TBC1D19: variants seen among roughly 807,000 people sequenced by gnomAD.
TBC1D19 encodes TBC1 domain family member 19, also known as TBC1 domain family, member 19.
Under a neutral mutation model 89.0 loss-of-function variants are expected in TBC1D19, and 60 were observed. That is an observed-to-expected ratio of 0.67 (90% confidence interval 0.55 to 0.84). TBC1D19 has a LOEUF of 0.84. Ranked by LOEUF, TBC1D19 falls within the 40% of genes least tolerant of loss-of-function variation. The pLI, the probability that TBC1D19 is intolerant of heterozygous loss-of-function variation, is 0.00. For synonymous variants in TBC1D19, 189 were observed against 199.7 expected (o/e 0.95, Z 0.45); for missense variants, 500 against 610.8 (o/e 0.82, Z 1.91).
chr4:26,845,358 C>T, the TBC1D19 span, among the ~76,000 whole-genome samples: 1 of 152,132 alleles, frequency 6.6e-6, no homozygotes, highest in African/African-American at 2.4e-5. Context: ...TCAAGACTTT[C>T]CTTATTGTGG....
the TBC1D19 span, among the ~76,000 whole-genome samples, chr4:26,849,451 T>A: frequency 6.6e-6 from 1 of 152,222 alleles, no homozygotes; most frequent in African/African-American, 2.4e-5. Context: ...ACCTTCAAAG[T>A]CATCTCAACT....
intron 11 of TBC1D19, among the ~76,000 whole-genome samples, chr4:26,678,880 C>T (rs1713084656): frequency 2.0e-5 from 3 of 152,036 alleles, no homozygotes; most frequent in Admixed American, 2.0e-4. Flanking sequence ...CTTGACTTTT[C>T]CCTTTAGCTT....
the TBC1D19 span, among the ~76,000 whole-genome samples, chr4:26,815,184 T>C: frequency 5.9e-5 from 9 of 152,352 alleles, no homozygotes; most frequent in East Asian, 1.7e-3. Context: ...CAATAAGAAA[T>C]TGTGGCTTTG....
upstream of TBC1D19, among the ~76,000 whole-genome samples, chr4:26,582,195 T>C (rs1463038630): frequency 6.6e-6 from 1 of 152,056 alleles, no homozygotes; most frequent in Admixed American, 6.5e-5. Flanking sequence ...TTATCACAGT[T>C]TCAATATTTA....
At chr4:26,811,822 G>A in the TBC1D19 span, among the ~76,000 whole-genome samples, 1 of 152,184 alleles carries the variant, frequency 6.6e-6, no homozygotes, top group African/African-American at 2.4e-5. Context: ...GTGTAGCAGT[G>A]AGGACAACCA....
chr4:26,730,721 C>A (rs990876198), intron 15 of TBC1D19, among the ~76,000 whole-genome samples: 1 of 152,198 alleles, frequency 6.6e-6, no homozygotes, highest in Non-Finnish European at 1.5e-5. Context: ...CCACTTCACA[C>A]CTTGGACAGG....
intron 13 of TBC1D19, among the ~76,000 whole-genome samples, chr4:26,711,667 G>A (rs1162906165): frequency 2.6e-5 from 4 of 151,996 alleles, no homozygotes; most frequent in Non-Finnish European, 5.9e-5. Flanking sequence ...TTACTATCAT[G>A]TGTAGCTTCA....
the TBC1D19 span, among the ~76,000 whole-genome samples, chr4:26,787,772 C>T: frequency 2.6e-5 from 4 of 152,176 alleles, no homozygotes; most frequent in Non-Finnish European, 4.4e-5. Flanking sequence ...TCCTCTAAGC[C>T]TGACCTTGAC....
At chr4:26,604,838 C>T (rs1347541226) in intron 1 of TBC1D19, among the ~76,000 whole-genome samples, 2 of 151,778 alleles carry the variant, frequency 1.3e-5, no homozygotes, top group East Asian at 3.9e-4. Context: ...CAGAGATCAT[C>T]GCGCCACTGC....
At chr4:26,778,337 A>G in the TBC1D19 span, among the ~76,000 whole-genome samples, 3 of 151,744 alleles carry the variant, frequency 2.0e-5, no homozygotes, top group African/African-American at 7.3e-5. Context: ...AATGGCGTGA[A>G]TCTGGGAGGC....
chr4:26,666,915 G>T (rs1711862461), intron 9 of TBC1D19, among the ~76,000 whole-genome samples: 1 of 151,798 alleles, frequency 6.6e-6, no homozygotes, highest in African/African-American at 2.4e-5. Flanking sequence ...TTTACTTGAA[G>T]TATGGGAGCC....
upstream of TBC1D19, among the ~76,000 whole-genome samples, chr4:26,582,723 T>A (rs1175566386): frequency 6.6e-6 from 1 of 152,256 alleles, no homozygotes. Context: ...TGTCATTAAT[T>A]GCCTTTAAGT....
intron 4 of TBC1D19, among the ~76,000 whole-genome samples, chr4:26,622,387 AT>A (rs572573612): frequency 2.9e-4 from 43 of 149,844 alleles, no homozygotes; most frequent in East Asian, 1.6e-3. Context: ...CAAAACATAA[AT>A]TTTTTTTTTT....
At chr4:26,845,931 G>A in the TBC1D19 span, among the ~76,000 whole-genome samples, 83 of 152,308 alleles carry the variant, frequency 5.4e-4, no homozygotes, top group Admixed American at 7.8e-4. Context: ...GGAATTATGG[G>A]AGGTACAATT....
At chr4:26,817,979 AAAAT>A in the TBC1D19 span, among the ~76,000 whole-genome samples, 3 of 107,366 alleles carry the variant, frequency 2.8e-5, no homozygotes, top group African/African-American at 1.4e-4. Context: ...AAAAAAAAAA[AAAAT>A]ATATATATAT....
chr4:26,582,379 C>G (rs547540579), upstream of TBC1D19, among the ~76,000 whole-genome samples: 2 of 152,158 alleles, frequency 1.3e-5, no homozygotes, highest in Non-Finnish European at 2.9e-5. Flanking sequence ...TTTTCTGACT[C>G]CAGGCACTAT....
chr4:26,857,059 A>T, the TBC1D19 span, among the ~76,000 whole-genome samples: 1 of 152,176 alleles, frequency 6.6e-6, no homozygotes, highest in Non-Finnish European at 1.5e-5. Context: ...CCACTTGAGG[A>T]CTATCTCATG....
Position 26,683,656 on chromosome 4 carries a change from GTTTTAC to G in TBC1D19, c.817-13_817-8del, listed in dbSNP as rs1713553635. On this transcript the variant is annotated splice_polypyrimidine_tract_variant and intron_variant, in intron 11 of 20. Transcript: ENST00000264866. Reference sequence around the variant, plus strand: ...AATGTGATTGACCTTTAATTTTTTTGTTTTACTTTTAAATTTAGGATGTCTTGTATT... The same window carrying G: ...AATGTGATTGACCTTTAATTTTTTTGTTTTAAATTTAGGATGTCTTGTATT... 1 of 1,590,714 alleles carries G rather than the reference GTTTTAC, an allele frequency of 6.3e-7. No individual in the cohort carries two copies. Among genetic ancestry groups the G allele is most frequent in the Non-Finnish European group, 8.6e-7 (1 of 1,169,578 alleles).
intron 13 of TBC1D19, among the ~76,000 whole-genome samples, chr4:26,705,095 T>C (rs1023376677): frequency 1.3e-5 from 2 of 151,042 alleles, no homozygotes; most frequent in Non-Finnish European, 3.0e-5. Context: ...TTGAAGTCCT[T>C]TGGCCATTTT....
Sources: allele counts gnomAD v4.1 joint callset (sites outside exome capture counted in the v4.1 genomes callset), GRCh38; gene constraint gnomAD v4.1.1; transcripts MANE v1.5; gene names NCBI Gene and HGNC (gene_info 2026-07-23, HGNC 2026-07-21).